GLB1: variants seen among roughly 807,000 people sequenced by gnomAD.
The protein encoded by GLB1 is beta-galactosidase.
Under a neutral mutation model 74.0 loss-of-function variants are expected in GLB1, and 56 were observed. The ratio of observed to expected loss-of-function variants is 0.76; its 90% confidence interval spans 0.61 to 0.94. The LOEUF (loss-of-function observed/expected upper bound fraction) is 0.94, where lower values mean the gene tolerates loss of function less well. Among genes scored for constraint, GLB1 ranks in the 40% least tolerant of loss-of-function variants. The pLI is 0.00. For synonymous variants in GLB1, 323 were observed against 323.6 expected, an observed-to-expected ratio of 1.00 and a Z score of 0.02; for missense variants, 787 against 845.5, an observed-to-expected ratio of 0.93 and a Z score of 0.86.
At chr3:33,003,721 G>A (rs1362569240) in intron 15 of GLB1, among the ~76,000 whole-genome samples, 1 of 152,174 alleles carries the variant, frequency 6.6e-6, no homozygotes, top group Non-Finnish European at 1.5e-5. Flanking sequence ...AATTATTAGT[G>A]GGTCCCTCTA....
At chr3:33,018,651 T>A in intron 12 of GLB1, 90 bp from the exon 13 acceptor site, 1 of 1,359,782 alleles carries the variant, frequency 7.4e-7, no homozygotes, top group Non-Finnish European at 1.0e-6. Flanking sequence ...AAGCGATGTT[T>A]CTCAAACCAT....
At position 33,068,975 on chromosome 3, in the gene GLB1, C is replaced by G; in HGVS notation, c.246-5G>C. On this transcript the variant is annotated splice_region_variant and splice_polypyrimidine_tract_variant and intron_variant, in intron 2 of 15. Transcript: ENST00000307363. ...TGAAAGTTCCAGGGCACATACCTGC[C>G]AAGACACACACAGCCCCTTCCTGGA... 6.2e-7 allele frequency: 1 copy of G among 1,614,164 alleles called. No homozygotes were observed. Among genetic ancestry groups the G allele is most frequent in the Non-Finnish European group, 8.5e-7 (1 of 1,180,024 alleles).
chr3:33,071,706 C>G (rs533562793), intron 2 of GLB1, among the ~76,000 whole-genome samples: 47 of 152,118 alleles, frequency 3.1e-4, no homozygotes, highest in Admixed American at 1.3e-3. Context: ...CTGTTGCCCA[C>G]CCCTCCTTCT....
At chr3:32,974,583 C>G in the GLB1 span, among the ~76,000 whole-genome samples, 3 of 152,138 alleles carry the variant, frequency 2.0e-5, no homozygotes, top group Admixed American at 6.5e-5. Context: ...AGTTGCCAAG[C>G]TGGAGATCCA....
intron 10 of GLB1, among the ~76,000 whole-genome samples, chr3:33,031,701 TTC>T: frequency 7.2e-6 from 1 of 139,508 alleles, no homozygotes; most frequent in African/African-American, 2.6e-5. Flanking sequence ...TGTAGTTAAT[TTC>T]TCTTTCAAAC....
the GLB1 span, among the ~76,000 whole-genome samples, chr3:32,985,250 T>A: frequency 6.6e-6 from 1 of 152,172 alleles, no homozygotes; most frequent in African/African-American, 2.4e-5. Context: ...ATATTTTATT[T>A]TATGCATCTG....
At chr3:33,021,521 T>G in intron 12 of GLB1, 45 bp downstream of exon 12, 2 of 1,597,438 alleles carry the variant, frequency 1.3e-6, no homozygotes, top group African/African-American at 1.3e-5. Context: ...GAAAGCACAC[T>G]TTTGCAAGTA....
At chr3:32,984,923 C>T in the GLB1 span, among the ~76,000 whole-genome samples, 1 of 149,184 alleles carries the variant, frequency 6.7e-6, no homozygotes, top group Non-Finnish European at 1.5e-5. Flanking sequence ...GCCTAGGTGA[C>T]AGAGCGAGAC....
Position 33,093,891 on chromosome 3 carries a change from G to A in GLB1, c.75+3120C>T. The A allele has an allele frequency of 6.2e-7, 1 of 1,613,940 alleles. No individual in the cohort carries two copies. Among genetic ancestry groups the A allele is most frequent in the Non-Finnish European group, 8.5e-7 (1 of 1,179,964 alleles). ...CTCTTCGGCCACTAAAAAGAACATG[G>A]TAAAGAAACTGGAATGGGCCAGGGC... On this transcript the variant is annotated intron_variant, in intron 1 of 15. Coordinates refer to ENST00000307363, the MANE Select transcript of GLB1 (RefSeq NM_000404.4). The surrounding 1 kb of genome is among the most constrained non-coding windows in gnomAD (Gnocchi z 6.0).
At position 33,093,709 on chromosome 3, in the gene GLB1, C is replaced by G. The variant is rs374474257; in HGVS notation, c.75+3302G>C. 3.1e-6 allele frequency: 5 copies of G among 1,614,122 alleles called. No homozygotes were observed. Among genetic ancestry groups the G allele is most frequent in the Non-Finnish European group, 3.4e-6 (4 of 1,179,986 alleles). ...CCCACTGCCAGGGCAGGCCTGAGCA[C>G]GAGCTTCCTTGTCTTCTCAAGGCTG... On this transcript the variant is annotated intron_variant, in intron 1 of 15. Transcript: ENST00000307363. This position sits in a 1 kb window ranked among gnomAD's most constrained non-coding sequence, Gnocchi z 6.0.
chr3:32,989,375 G>T, the GLB1 span, among the ~76,000 whole-genome samples: 1 of 152,162 alleles, frequency 6.6e-6, no homozygotes, highest in East Asian at 1.9e-4. Context: ...GGCACTTCCG[G>T]CTCACGAAAC....
chr3:33,022,213 A>G (rs1697519215), intron 11 of GLB1, among the ~76,000 whole-genome samples: 2 of 152,172 alleles, frequency 1.3e-5, no homozygotes, highest in Admixed American at 1.3e-4. Context: ...AGGATAAGAT[A>G]TGTTCCATTC....
At chr3:33,094,708 T>C (rs1307643768) in intron 1 of GLB1, among the ~76,000 whole-genome samples, 1 of 152,194 alleles carries the variant, frequency 6.6e-6, no homozygotes, top group Non-Finnish European at 1.5e-5. Flanking sequence ...CCAGAGGCTA[T>C]GTGACATGTG....
chr3:33,067,240 T>C (rs905166636), intron 4 of GLB1, among the ~76,000 whole-genome samples: 1 of 152,098 alleles, frequency 6.6e-6, no homozygotes, highest in Non-Finnish European at 1.5e-5. Flanking sequence ...TGACCTCAGG[T>C]GATCCACCCA....
chr3:32,961,324 T>A, the GLB1 span, among the ~76,000 whole-genome samples: 1 of 152,150 alleles, frequency 6.6e-6, no homozygotes, highest in Non-Finnish European at 1.5e-5. Context: ...AGGTGAAACC[T>A]GTGTGGGAAA....
At chr3:33,043,593 G>C (rs947340477) in intron 10 of GLB1, among the ~76,000 whole-genome samples, 4 of 152,036 alleles carry the variant, frequency 2.6e-5, no homozygotes, top group African/African-American at 9.7e-5. Flanking sequence ...TATAAAATAA[G>C]ATAATTGAAA....
At chr3:33,064,826 T>C (rs1425922519) in intron 5 of GLB1, among the ~76,000 whole-genome samples, 1 of 146,640 alleles carries the variant, frequency 6.8e-6, no homozygotes, top group East Asian at 2.1e-4. Context: ...TTGGTCAATG[T>C]CCAATGAACA....
chr3:33,016,133 A>T (rs1339179231), intron 14 of GLB1, among the ~76,000 whole-genome samples: 1 of 152,146 alleles, frequency 6.6e-6, no homozygotes, highest in African/African-American at 2.4e-5. Context: ...AACCATCCAA[A>T]CCCATAAAAC....
At chr3:33,040,440 A>G (rs1698451414) in intron 10 of GLB1, among the ~76,000 whole-genome samples, 1 of 146,658 alleles carries the variant, frequency 6.8e-6, no homozygotes, top group East Asian at 1.9e-4. Context: ...CCCTGGCTCT[A>G]CAAAAAAAAA....
Sources: allele counts gnomAD v4.1 joint callset (sites outside exome capture counted in the v4.1 genomes callset), GRCh38; gene constraint gnomAD v4.1.1; non-coding constraint Gnocchi (gnomAD v3.1); transcripts MANE v1.5; gene names NCBI Gene and HGNC (gene_info 2026-07-23, HGNC 2026-07-21).